PRTG: variants seen among roughly 807,000 people sequenced by gnomAD.
PRTG encodes immunoglobulin superfamily, DCC subclass, member 5.
In PRTG, 67 loss-of-function variants were observed where a neutral mutation model predicts 122.5. That is an observed-to-expected ratio of 0.55 (90% CI 0.45 to 0.67). The LOEUF (loss-of-function observed/expected upper bound fraction) is 0.67, where lower values mean the gene tolerates loss of function less well. Ranked by LOEUF, PRTG falls within the 30% of genes least tolerant of loss-of-function variation. The pLI is 0.00. For missense variants in PRTG, 1,435 were observed against 1,415.4 expected, an observed-to-expected ratio of 1.01 and a Z score of -0.22; for synonymous variants, 554 against 501.1, an observed-to-expected ratio of 1.11 and a Z score of -1.41.
At chr15:55,696,417 T>C (rs1056852493) in intron 2 of PRTG, among the ~76,000 whole-genome samples, 13 of 152,228 alleles carry the variant, frequency 8.5e-5, no homozygotes, top group African/African-American at 3.1e-4. Context: ...GCTTTACTAA[T>C]CAAAACACAG....
At chr15:55,658,459 G>T (rs912160077) in intron 11 of PRTG, among the ~76,000 whole-genome samples, 1 of 152,052 alleles carries the variant, frequency 6.6e-6, no homozygotes, top group African/African-American at 2.4e-5. Context: ...GGGACTGCAG[G>T]TGCATGCACC....
At chr15:55,658,203 C>A (rs2059390662) in intron 11 of PRTG, among the ~76,000 whole-genome samples, 2 of 152,158 alleles carry the variant, frequency 1.3e-5, no homozygotes, top group Non-Finnish European at 2.9e-5. Context: ...GCTTGTTAAA[C>A]CTCAGTAGCT....
At chr15:55,636,579 A>G (rs2059258875) in intron 15 of PRTG, among the ~76,000 whole-genome samples, 1 of 152,028 alleles carries the variant, frequency 6.6e-6, no homozygotes, top group Non-Finnish European at 1.5e-5. Flanking sequence ...TCTTTCCTGG[A>G]CGACTACGGT....
chr15:55,653,463 ATT>A (rs66982054), intron 11 of PRTG, among the ~76,000 whole-genome samples: 21 of 141,600 alleles, frequency 1.5e-4, no homozygotes, highest in African/African-American at 2.3e-4. Context: ...GATCATCTCT[ATT>A]TTTTTTTTTT....
chr15:55,721,556 C>G (rs1219983173), intron 2 of PRTG, among the ~76,000 whole-genome samples: 1 of 152,158 alleles, frequency 6.6e-6, no homozygotes, highest in South Asian at 2.1e-4. Flanking sequence ...TTCGACTATT[C>G]ATTTCCTTCA....
intron 2 of PRTG, among the ~76,000 whole-genome samples, chr15:55,695,594 G>A (rs556745524): frequency 1.4e-4 from 22 of 152,280 alleles, no homozygotes; most frequent in African/African-American, 5.3e-4. Context: ...GGGCAACGTG[G>A]GCAGAAGCAC....
At chr15:55,680,033 T>C (rs559748317) in intron 6 of PRTG, 21 bp downstream of exon 6, 1 of 1,595,982 alleles carries the variant, frequency 6.3e-7, no homozygotes, top group Non-Finnish European at 8.6e-7. Context: ...TTCCCCTGAT[T>C]GCAGAATGAA....
chr15:55,737,080 T>TAA (rs2031435278), intron 2 of PRTG, among the ~76,000 whole-genome samples: 1 of 152,222 alleles, frequency 6.6e-6, no homozygotes, highest in African/African-American at 2.4e-5. Context: ...TTCTTATTCC[T>TAA]AAAATATTTA....
rs115770939 is a variant in PRTG, at chr15:55,661,056, T to C, written c.2041+11389A>G. 3.4e-3 allele frequency among the ~76,000 whole-genome samples: 522 copies of C among 152,348 alleles called. 3 individuals carry two copies. Among genetic ancestry groups the C allele is most frequent in the African/African-American group, 0.01 (423 of 41,580 alleles). The stretch of plus-strand genomic sequence containing the variant: ...AAATTTAATTTAACACATAAAGTGA[T>C]AGGGGATTCCACTTTCCCCTATCTT... On this transcript the variant is annotated intron_variant, in intron 11 of 19. Coordinates refer to ENST00000389286, the MANE Select transcript of PRTG (RefSeq NM_173814.6).
In PRTG at chr15:55,645,382, C is replaced by T. The variant is rs1177814355; in HGVS notation, c.2042-4174G>A. Among the ~76,000 whole-genome samples the T allele has an allele frequency of 5.7e-5, 7 of 121,864 alleles. No individual in the cohort carries two copies. The South Asian group carries it at 1.2e-3, about 21-fold the overall frequency. 79.9% of individuals were successfully genotyped at this position (121,864 alleles called of 152,430 possible). ...CCGGGAGGCGGAGCTTGCAGTGAGT[C>T]GAGATCGCGCCACTGCACTCCAGCC... On this transcript the variant is annotated intron_variant, in intron 11 of 19. Transcript: ENST00000389286.
Position 55,664,865 on chromosome 15 carries a change from G to A in PRTG, c.2041+7580C>T, listed in dbSNP as rs534569923. Among the ~76,000 whole-genome samples the A allele has an allele frequency of 1.6e-4, 25 of 152,108 alleles. No individual in the cohort carries two copies. In the East Asian group the frequency reaches 2.7e-3, roughly 17 times the overall value. ...GCCTCTCTAAGTGCTGGGATTATACGTGTGAGCCACTGCACCTGGCAGAAA... is the reference window on the plus strand; with the variant it reads ...GCCTCTCTAAGTGCTGGGATTATACATGTGAGCCACTGCACCTGGCAGAAA... On this transcript the variant is annotated intron_variant, in intron 11 of 19. Coordinates refer to ENST00000389286, the MANE Select transcript of PRTG (RefSeq NM_173814.6).
chr15:55,627,066 T>C lies in PRTG; in HGVS notation c.2869A>G (p.Ile957Val). Residue 957 changes from isoleucine (I) to valine (V), a missense_variant, in exon 17 of 20, where the codon ATA becomes GTA. Coordinates refer to ENST00000389286, the MANE Select transcript of PRTG (RefSeq NM_173814.6). Reference protein sequence around the residue: ...SMTGIAVGVGIALTCILICVL... With the variant: ...SMTGIAVGVGVALTCILICVL... ...CAGATGAGGATGCAGGTCAAGGCTA[T>C]GCCAACACCTACAGCAATGCCAGTC... 1.2e-6 allele frequency: 2 copies of C among 1,611,796 alleles called. No homozygotes were observed. Among genetic ancestry groups the C allele is most frequent in the Non-Finnish European group, 8.5e-7 (1 of 1,178,204 alleles).
chr15:55,720,475 TA>T (rs1293030419), intron 2 of PRTG, among the ~76,000 whole-genome samples: 1 of 152,240 alleles, frequency 6.6e-6, no homozygotes, highest in Admixed American at 6.5e-5. Context: ...TTTCACATCC[TA>T]TTGGAATTCT....
chr15:55,743,022 G>C lies in PRTG; in HGVS notation c.-91C>G, dbSNP rs1467127600. On this transcript the variant is annotated 5_prime_UTR_variant, in exon 1 of 20. Transcript: ENST00000389286. ...CCGGGCGCTCTCTGCTCTGCGGCTG[G>C]TCGCACGCAGCCTGGCTCCCCGCTC... is the stretch of plus-strand genomic sequence containing the variant. 6 of 1,341,672 alleles carry C rather than the reference G, an allele frequency of 4.5e-6. No individual in the cohort carries two copies. The highest frequency in any genetic ancestry group is 4.8e-6 in the Non-Finnish European group (5 of 1,050,380). The allele number at this position is 1,341,672 out of a possible 1,614,324, so 83.1% of individuals were successfully genotyped here.
chr15:55,658,855 C>A (rs867188592), intron 11 of PRTG, among the ~76,000 whole-genome samples: 2 of 152,028 alleles, frequency 1.3e-5, no homozygotes, highest in African/African-American at 4.8e-5. Flanking sequence ...TGAGTCACTT[C>A]AAATTTTTCT....
intron 2 of PRTG, among the ~76,000 whole-genome samples, chr15:55,731,893 G>C (rs1431352196): frequency 6.6e-6 from 1 of 152,120 alleles, no homozygotes; most frequent in Non-Finnish European, 1.5e-5. Context: ...GAAACACATC[G>C]TTAGGTGATT....
intron 11 of PRTG, among the ~76,000 whole-genome samples, chr15:55,670,736 T>C (rs1555432404): frequency 6.6e-6 from 1 of 152,132 alleles, no homozygotes; most frequent in Non-Finnish European, 1.5e-5. Flanking sequence ...CCCCCGTCTC[T>C]GCTAAAAATT....
intron 8 of PRTG, 142 bp from the exon 9 acceptor site, chr15:55,675,825 G>A: frequency 2.0e-6 from 1 of 489,784 alleles, no homozygotes; most frequent in Non-Finnish European, 3.6e-6. Context: ...ATGTGAACAG[G>A]AAGGTCTTTA....
chr15:55,640,839 C>T (rs1196142271), intron 12 of PRTG, among the ~76,000 whole-genome samples: 1 of 149,382 alleles, frequency 6.7e-6, no homozygotes, highest in African/African-American at 2.5e-5. Flanking sequence ...GTGAAAACCC[C>T]GTCTCTACTA....
Sources: gnomAD v4.1 joint callset for allele counts (sites outside exome capture counted in the v4.1 genomes callset) on GRCh38, gnomAD v4.1.1 for gene constraint, MANE v1.5 for transcripts, NCBI Gene and HGNC (gene_info 2026-07-23, HGNC 2026-07-21) for gene names.